Variants in RIMBP2 observed in about 807,000 individuals in gnomAD.
RIMBP2 encodes RIMS binding protein 2, also known as RIMS-binding protein 2.
Under a neutral mutation model 118.6 loss-of-function variants are expected in RIMBP2, and 48 were observed. The observed-to-expected ratio is 0.40, with a 90% CI of 0.32 to 0.51. RIMBP2 has a LOEUF of 0.51. Among genes scored for constraint, RIMBP2 ranks in the 20% least tolerant of loss-of-function variants. RIMBP2 has a pLI of 0.41. For synonymous variants in RIMBP2, 762 were observed against 742.9 expected (o/e 1.03, Z -0.42); for missense variants, 1,551 against 1,768.3 (o/e 0.88, Z 2.20).
At chr12:130,568,958 T>C (rs533933803) in intron 2 of RIMBP2, among the ~76,000 whole-genome samples, 1 of 152,228 alleles carries the variant, frequency 6.6e-6, no homozygotes, top group East Asian at 1.9e-4. Flanking sequence ...ATTGTAACTA[T>C]TGGAGCTGTG....
intron 6 of RIMBP2, among the ~76,000 whole-genome samples, chr12:130,458,953 A>G (rs1391599431): frequency 1.3e-5 from 2 of 151,632 alleles, no homozygotes; most frequent in East Asian, 3.9e-4. Flanking sequence ...CTGAGGCAGG[A>G]GAATCACTTG....
chr12:130,514,622 G>C (rs7316833), intron 3 of RIMBP2, among the ~76,000 whole-genome samples: 25,590 of 152,142 alleles, frequency 0.17, 2,521 homozygotes, highest in African/African-American at 0.26. Context: ...CCCAGGATCC[G>C]ACCTCCCTGT....
chr12:130,705,694 G>A (rs886377695), intron 1 of RIMBP2, among the ~76,000 whole-genome samples: 1 of 152,248 alleles, frequency 6.6e-6, no homozygotes, highest in South Asian at 2.1e-4. Flanking sequence ...GGGTATGGCA[G>A]GAGTGAACTG....
At chr12:130,567,578 GC>G (rs919567742) in intron 2 of RIMBP2, among the ~76,000 whole-genome samples, 1 of 152,138 alleles carries the variant, frequency 6.6e-6, no homozygotes, top group African/African-American at 2.4e-5. Context: ...TTGTCCAGTT[GC>G]CCCCCACATA....
intron 1 of RIMBP2, among the ~76,000 whole-genome samples, chr12:130,696,444 G>A (rs1370879916): frequency 6.6e-6 from 1 of 152,180 alleles, no homozygotes; most frequent in African/African-American, 2.4e-5. Context: ...CCTGAGTAAG[G>A]TTTAAATTTA....
At chr12:130,663,877 T>G (rs1458523644) in intron 1 of RIMBP2, among the ~76,000 whole-genome samples, 2 of 151,702 alleles carry the variant, frequency 1.3e-5, no homozygotes, top group Non-Finnish European at 2.9e-5. Context: ...TGTTAATAAT[T>G]GTGAAATACC....
At chr12:130,425,532 T>C (rs1295150690) in intron 15 of RIMBP2, 1 of 152,492 alleles carries the variant, frequency 6.6e-6, no homozygotes, top group Non-Finnish European at 1.5e-5. Context: ...GCATCCTGCA[T>C]CAAGTCCCTG....
At chr12:130,570,594 G>A (rs925737298) in intron 2 of RIMBP2, among the ~76,000 whole-genome samples, 3 of 152,140 alleles carry the variant, frequency 2.0e-5, no homozygotes, top group African/African-American at 4.8e-5. Context: ...CTGCCTGCGC[G>A]ACACCTGCTC....
chr12:130,422,550 G>A lies in RIMBP2; in HGVS notation c.3141C>T (p.Asn1047=), dbSNP rs1446594307. The A allele has an allele frequency of 6.2e-7, 1 of 1,607,282 alleles. No homozygotes were observed. The highest frequency in any genetic ancestry group is 1.1e-5 in the South Asian group (1 of 89,464). ...RVAQGPLILG[N]PASAGRVDHM... ...GATCCACCCGTCCTGCAGAGGCTGGGTTCCCTAAAATCTAAAGACAAAACA... is the reference window on the plus strand; with the variant it reads ...GATCCACCCGTCCTGCAGAGGCTGGATTCCCTAAAATCTAAAGACAAAACA... Residue 1047 remains asparagine (N), a synonymous_variant, in exon 17 of 23, where the codon AAC becomes AAT. Transcript: ENST00000690449. This position sits in a 1 kb window ranked among gnomAD's most constrained non-coding sequence, Gnocchi z 5.2.
intron 9 of RIMBP2, among the ~76,000 whole-genome samples, chr12:130,448,619 C>T (rs2078738872): frequency 6.6e-6 from 1 of 152,254 alleles, no homozygotes; most frequent in African/African-American, 2.4e-5. Flanking sequence ...AGGGGTAGGA[C>T]TGGGTCTTCA....
At chr12:130,532,471 C>T (rs1377358429) in intron 2 of RIMBP2, among the ~76,000 whole-genome samples, 2 of 149,156 alleles carry the variant, frequency 1.3e-5, no homozygotes, top group African/African-American at 5.0e-5. Context: ...GTGTGTTCAG[C>T]CTCTAGGAGT....
chr12:130,440,060 C>T, intron 11 of RIMBP2, among the ~76,000 whole-genome samples: 1 of 151,768 alleles, frequency 6.6e-6, no homozygotes, highest in Non-Finnish European at 1.5e-5. Flanking sequence ...GCACCACCAT[C>T]CCCGGGCATG....
intron 21 of RIMBP2, among the ~76,000 whole-genome samples, chr12:130,401,295 T>C (rs376818100): frequency 1.2e-4 from 18 of 152,092 alleles, no homozygotes; most frequent in African/African-American, 3.9e-4. Context: ...TTTGTATTTT[T>C]AGTAGAGACA....
chr12:130,577,325 T>C (rs2058152578), intron 2 of RIMBP2, among the ~76,000 whole-genome samples: 1 of 152,240 alleles, frequency 6.6e-6, no homozygotes, highest in Non-Finnish European at 1.5e-5. Flanking sequence ...TAACTGCCAC[T>C]GTATTCATCC....
intron 7 of RIMBP2, 64 bp from the exon 8 acceptor site, chr12:130,451,404 T>C (rs2079000875): frequency 1.3e-6 from 2 of 1,524,756 alleles, no homozygotes; most frequent in African/African-American, 2.7e-5. Context: ...AGCACGTTGG[T>C]CATGCGCCTA....
Position 130,431,068 on chromosome 12 carries a change from C to T in RIMBP2, c.2254-2731G>A, listed in dbSNP as rs12812728. Among the ~76,000 whole-genome samples, 25,887 of 152,190 alleles carry T rather than the reference C, an allele frequency of 0.17. 2,894 individuals are homozygous for T. The highest frequency in any genetic ancestry group is 0.25 in the Non-Finnish European group (17,129 of 67,994). ...TTATTTATTGGTACAGTGAGCATTT[C>T]TCATTGTGGACTTAATGAAAATGCT... is the stretch of plus-strand genomic sequence containing the variant. On this transcript the variant is annotated intron_variant, in intron 14 of 22. Transcript: ENST00000690449. The surrounding 1 kb of genome is among the most constrained non-coding windows in gnomAD (Gnocchi z 4.0).
At chr12:130,603,608 C>T (rs570347468) in intron 2 of RIMBP2, among the ~76,000 whole-genome samples, 10 of 152,310 alleles carry the variant, frequency 6.6e-5, no homozygotes, top group Non-Finnish European at 1.3e-4. Context: ...GATACACTTG[C>T]AGTCACGAGC....
At chr12:130,695,602 T>A (rs2065528021) in intron 1 of RIMBP2, among the ~76,000 whole-genome samples, 1 of 152,036 alleles carries the variant, frequency 6.6e-6, no homozygotes, top group South Asian at 2.1e-4. Context: ...AGGAACCTCA[T>A]TCCAAGCGGG....
rs1414273614 is a variant in RIMBP2 at position 130,419,258 on chromosome 12, G to A, written c.3238+3195C>T. Among the ~76,000 whole-genome samples the A allele has an allele frequency of 6.6e-6, 1 of 152,160 alleles. No homozygotes were observed. Among genetic ancestry groups the A allele is most frequent in the Non-Finnish European group, 1.5e-5 (1 of 68,032 alleles). Reference sequence around the variant, plus strand: ...ACAGCTGTCTGTCTGACCCTGGGGGGAGTGGGCACTGCCTCCCATCCTGCT... The same window carrying A: ...ACAGCTGTCTGTCTGACCCTGGGGGAAGTGGGCACTGCCTCCCATCCTGCT... On this transcript the variant is annotated intron_variant, in intron 17 of 22. Transcript: ENST00000690449. The surrounding 1 kb of genome is among the most constrained non-coding windows in gnomAD (Gnocchi z 4.3).
Sources: gnomAD v4.1 joint callset for allele counts (sites outside exome capture counted in the v4.1 genomes callset) on GRCh38, gnomAD v4.1.1 for gene constraint, Gnocchi (gnomAD v3.1) non-coding constraint, MANE v1.5 for transcripts, NCBI Gene and HGNC (gene_info 2026-07-23, HGNC 2026-07-21) for gene names.